The following BRWD1 variants were observed in gnomAD, a reference collection of about 807,000 sequenced individuals.
BRWD1 encodes bromodomain and WD repeat-containing protein 1.
In BRWD1, 82 loss-of-function variants were observed where a neutral mutation model predicts 251.2. The ratio of observed to expected loss-of-function variants is 0.33; its 90% CI spans 0.27 to 0.39. The LOEUF (loss-of-function observed/expected upper bound fraction) is 0.39, where lower values mean the gene tolerates loss of function less well. BRWD1 is among the 10% of genes least tolerant of loss of function. The pLI, the probability that BRWD1 is intolerant of heterozygous loss-of-function variation, is 1.00. For synonymous variants in BRWD1, 918 were observed against 902.8 expected, an observed-to-expected ratio of 1.02 and a Z score of -0.30; for missense variants, 2,233 against 2,711.6, an observed-to-expected ratio of 0.82 and a Z score of 3.92.
In BRWD1 at chr21:39,281,870, A is replaced by G. The variant is rs565108832; in HGVS notation, c.832-1622T>C. On this transcript the variant is annotated intron_variant, in intron 8 of 40. Coordinates refer to ENST00000342449, the MANE Select transcript of BRWD1 (RefSeq NM_033656.4). ...ACAACACAGCAAGACTCCTTCACCT[A>G]CCAAAAAAAATATATATATATATGT... is the stretch of plus-strand genomic sequence containing the variant. Among the ~76,000 whole-genome samples the G allele has an allele frequency of 2.7e-3, 320 of 116,940 alleles. 2 individuals carry two copies. Among genetic ancestry groups the G allele is most frequent in the African/African-American group, 0.01 (305 of 29,176 alleles). The allele number at this position is 116,940 out of a possible 152,430, so 76.7% of individuals were successfully genotyped here.
At chr21:39,320,016 C>G (rs1366056690) in intron 1 of BRWD1, among the ~76,000 whole-genome samples, 1 of 152,172 alleles carries the variant, frequency 6.6e-6, no homozygotes, top group Non-Finnish European at 1.5e-5. Flanking sequence ...AACTCCTTGG[C>G]TTGCTTTTAA....
intron 23 of BRWD1, among the ~76,000 whole-genome samples, chr21:39,235,021 G>A (rs1196478022): frequency 1.3e-5 from 2 of 152,140 alleles, no homozygotes; most frequent in African/African-American, 2.4e-5. Context: ...GGCTAAGGTG[G>A]GCAGATCACC....
rs1220827412 is a variant in BRWD1 at position 39,190,974 on chromosome 21, GA to G, written c.*5284del. ...ACAATACAGTTTTCTCTCACCCCTA[GA>G]AAAACTCAGATTTGTGATGGCTATT... On this transcript the variant is annotated 3_prime_UTR_variant, in exon 41 of 41. Coordinates refer to ENST00000342449, the MANE Select transcript of BRWD1 (RefSeq NM_033656.4). The G allele has an allele frequency of 1.0e-6, 1 of 984,960 alleles. No individual in the cohort carries two copies. Among genetic ancestry groups the G allele is most frequent in the Admixed American group, 6.2e-5 (1 of 16,228 alleles). The allele number at this position is 984,960 out of a possible 1,614,324, so 61.0% of individuals were successfully genotyped here. A position where few individuals can be genotyped will look rare whatever the true frequency, so the allele number is the denominator to read the frequency against.
At position 39,293,891 on chromosome 21, in the gene BRWD1, T is replaced by G. The variant is rs2035883157; in HGVS notation, c.751A>C (p.Ile251Leu). 1 of 1,614,058 alleles carries G rather than the reference T, an allele frequency of 6.2e-7. No homozygotes were observed. ...TMIAAGSCDK[I>L]IRVWCLRTCA... ...GTTCTCAAGCACCACACTCTAATAATTTTATCACAGCTCCCCGCAGCAATC... is the reference window on the plus strand; with the variant it reads ...GTTCTCAAGCACCACACTCTAATAAGTTTATCACAGCTCCCCGCAGCAATC... The change falls in exon 8 of 41, where the codon ATT becomes CTT. Residue 251 changes from isoleucine (I) to leucine (L), a missense_variant. Coordinates refer to ENST00000342449, the MANE Select transcript of BRWD1 (RefSeq NM_033656.4).
chr21:39,197,505 T>C (rs1791680500), intron 40 of BRWD1, 90 bp from the exon 41 acceptor site: 1 of 1,077,872 alleles, frequency 9.3e-7, no homozygotes, highest in Admixed American at 2.4e-5. Context: ...GAATTCGTAT[T>C]AATTTGAAGG....
At chr21:39,252,745 T>C (rs1366181722) in intron 19 of BRWD1, among the ~76,000 whole-genome samples, 1 of 152,244 alleles carries the variant, frequency 6.6e-6, no homozygotes, top group Non-Finnish European at 1.5e-5. Flanking sequence ...GGTTCTTTGC[T>C]GCTCTAAATA....
At chr21:39,213,599 T>C (rs1263772374) in intron 32 of BRWD1, 46 bp from the exon 33 acceptor site, 1 of 1,296,920 alleles carries the variant, frequency 7.7e-7, no homozygotes, top group Non-Finnish European at 1.1e-6. Context: ...TGTAGTGACT[T>C]GTTGGCAAGG....
At chr21:39,251,761 C>T (rs542835177) in intron 19 of BRWD1, among the ~76,000 whole-genome samples, 13 of 152,148 alleles carry the variant, frequency 8.5e-5, no homozygotes, top group African/African-American at 2.9e-4. Flanking sequence ...AACCATATAA[C>T]GAGATTTTCA....
intron 30 of BRWD1, 107 bp from the exon 31 acceptor site, chr21:39,218,379 A>G: frequency 6.9e-7 from 1 of 1,447,246 alleles, no homozygotes; most frequent in Non-Finnish European, 9.3e-7. Context: ...ATTACAGGCT[A>G]AATTAAAAGA....
intron 37 of BRWD1, among the ~76,000 whole-genome samples, chr21:39,203,434 G>GTTTTTTTTTTTTTT (rs2032210759): frequency 3.1e-5 from 2 of 64,296 alleles, no homozygotes; most frequent in Non-Finnish European, 3.7e-5. Flanking sequence ...GCAAGACCCT[G>GTTTTTTTTTTTTTT]GTTCTTTTTT....
intron 25 of BRWD1, among the ~76,000 whole-genome samples, chr21:39,230,438 T>C (rs2033565817): frequency 6.6e-6 from 1 of 152,216 alleles, no homozygotes; most frequent in Non-Finnish European, 1.5e-5. Context: ...CCTAGAACAC[T>C]GAAATAAAAT....
intron 17 of BRWD1, among the ~76,000 whole-genome samples, chr21:39,263,296 G>C (rs745521126): frequency 3.3e-5 from 5 of 152,122 alleles, no homozygotes; most frequent in Non-Finnish European, 7.4e-5. Flanking sequence ...AAACAAAATA[G>C]CATTTTTTCT....
downstream of BRWD1, chr21:39,184,723 A>T (rs1173800301): frequency 1.3e-5 from 2 of 152,224 alleles, no homozygotes; most frequent in Non-Finnish European, 2.9e-5. Flanking sequence ...CAAAATTTGA[A>T]CATTTAGCAA....
At chr21:39,278,372 T>TGTACAAAAA in intron 10 of BRWD1, 1 of 179,326 alleles carries the variant, frequency 5.6e-6, no homozygotes. Flanking sequence ...AAGAATAATT[T>TGTACAAAAA]CATCAAGATA....
intron 23 of BRWD1, among the ~76,000 whole-genome samples, chr21:39,235,116 G>T (rs1397839457): frequency 6.6e-6 from 1 of 152,158 alleles, no homozygotes; most frequent in Non-Finnish European, 1.5e-5. Flanking sequence ...AGGCGTGGTT[G>T]CGTGGGCCTG....
At chr21:39,255,559 A>ATTCTGTATTCC in intron 19 of BRWD1, 86 bp downstream of exon 19, 1 of 1,125,506 alleles carries the variant, frequency 8.9e-7, no homozygotes, top group Non-Finnish European at 1.3e-6. Flanking sequence ...TTATTTACAC[A>ATTCTGTATTCC]ATTAATGGAA....
intron 17 of BRWD1, among the ~76,000 whole-genome samples, chr21:39,263,228 T>C (rs770446359): frequency 1.1e-4 from 16 of 152,232 alleles, no homozygotes; most frequent in Non-Finnish European, 1.6e-4. Flanking sequence ...GTAATCTACA[T>C]TAGGTTTTTA....
chr21:39,263,739 G>C (rs2034829443), intron 17 of BRWD1, among the ~76,000 whole-genome samples: 1 of 152,112 alleles, frequency 6.6e-6, no homozygotes, highest in East Asian at 1.9e-4. Context: ...TAAAACTTGA[G>C]GGTAAACTTT....
chr21:39,269,877 A>C, intron 15 of BRWD1, 22 bp downstream of exon 15: 2 of 1,476,524 alleles, frequency 1.4e-6, no homozygotes, highest in Admixed American at 2.2e-5. Context: ...GCATGTATCA[A>C]GGTACATCTC....
Sources: allele counts gnomAD v4.1 joint callset (sites outside exome capture counted in the v4.1 genomes callset), GRCh38; gene constraint gnomAD v4.1.1; transcripts MANE v1.5; gene names NCBI Gene and HGNC (gene_info 2026-07-23, HGNC 2026-07-21).